The following SPATA1 variants were observed in gnomAD, a reference collection of about 807,000 sequenced individuals.
The protein encoded by SPATA1 is spermatogenesis associated 1.
A neutral mutation model predicts 59.6 loss-of-function variants in SPATA1; 57 were observed. That is an observed-to-expected ratio of 0.96 (90% CI 0.77 to 1.19). The LOEUF is 1.19. Ranked by LOEUF, SPATA1 falls within the 50% of genes most tolerant of loss-of-function variation. The pLI is 0.00. For missense variants in SPATA1, 448 were observed against 480.7 expected (o/e 0.93, Z 0.64); for synonymous variants, 147 against 163.9 (o/e 0.90, Z 0.79).
intron 9 of SPATA1, 88 bp downstream of exon 9, chr1:84,544,392 G>C: frequency 1.0e-6 from 1 of 1,003,144 alleles, no homozygotes; most frequent in South Asian, 1.5e-5. Context: ...TGGGTATAGA[G>C]TTTCAGTTTG....
At chr1:84,545,940 G>A (rs550340302) in intron 10 of SPATA1, among the ~76,000 whole-genome samples, 181 bp downstream of exon 10, 2 of 152,226 alleles carry the variant, frequency 1.3e-5, no homozygotes, top group South Asian at 4.1e-4. Flanking sequence ...CTACTTTATA[G>A]AATAAATGCT....
chr1:84,532,964 A>G, exon 7 of SPATA1: 1 of 1,550,604 alleles, frequency 6.4e-7, no homozygotes, highest in Non-Finnish European at 8.7e-7. Flanking sequence ...TTGCTTTGGC[A>G]CTAAAAAAAG....
At chr1:84,560,134 G>GA (rs1558625731) in intron 4 of SPATA1, among the ~76,000 whole-genome samples, 9 of 141,192 alleles carry the variant, frequency 6.4e-5, no homozygotes, top group African/African-American at 2.1e-4. Context: ...AGAAAGAAAG[G>GA]AAAGAAAGAA....
intron 8 of SPATA1, among the ~76,000 whole-genome samples, chr1:84,538,151 A>C (rs947747208): frequency 6.6e-6 from 1 of 152,222 alleles, no homozygotes; most frequent in African/African-American, 2.4e-5. Context: ...TCTGTGGAGA[A>C]GATTAATGGG....
intron 12 of SPATA1, 121 bp downstream of exon 12, chr1:84,550,651 T>C: frequency 3.1e-6 from 4 of 1,274,388 alleles, no homozygotes; most frequent in South Asian, 6.0e-5. Context: ...ATTAAAATTG[T>C]TACCTTAACA....
chr1:84,515,954 T>A (rs1339678016), intron 1 of SPATA1, among the ~76,000 whole-genome samples: 2 of 152,330 alleles, frequency 1.3e-5, no homozygotes, highest in Middle Eastern at 3.4e-3. Context: ...CTACTTCATG[T>A]AAAATGCTAT....
intron 8 of SPATA1, 72 bp downstream of exon 8, chr1:84,533,838 A>C (rs1046211495): frequency 3.3e-6 from 3 of 899,470 alleles, no homozygotes; most frequent in African/African-American, 3.4e-5. Flanking sequence ...TTAAACTGAA[A>C]CTGCAGATTA....
chr1:84,563,593 C>T, intron 4 of SPATA1: 1 of 646,016 alleles, frequency 1.5e-6, no homozygotes, highest in Non-Finnish European at 2.4e-6. Context: ...TAATCATAAG[C>T]TTTCATAGAA....
rs202099627 is a variant in SPATA1 at position 84,551,370 on chromosome 1, AAAAT to A, written c.1224+848_1224+851del. ...CTGTCCTCGGTTTCAGATAAAAATAAAAATAAATAAAATTTAAAAATAAAAAAAT... is the reference window on the plus strand; with the variant it reads ...CTGTCCTCGGTTTCAGATAAAAATAAAAATAAAATTTAAAAATAAAAAAAT... On this transcript the variant is annotated intron_variant, in intron 12 of 12. Transcript: ENST00000490879. 3,030 of 755,218 alleles carry A rather than the reference AAAAT, an allele frequency of 4.0e-3. 99 individuals carry two copies. The African/African-American group carries it at 0.054, about 13-fold the overall frequency. The allele number at this position is 755,218 out of a possible 1,614,324, so 46.8% of individuals were successfully genotyped here.
intron 8 of SPATA1, among the ~76,000 whole-genome samples, chr1:84,536,537 G>C (rs1475295168): frequency 4.6e-5 from 7 of 152,136 alleles, no homozygotes; most frequent in African/African-American, 1.7e-4. Context: ...TCCGCCCCCC[G>C]GGTGCATGCC....
chr1:84,551,767 A>G (rs1014902146), intron 12 of SPATA1: 1 of 152,160 alleles, frequency 6.6e-6, no homozygotes, highest in African/African-American at 2.4e-5. Context: ...AATTTGTTCA[A>G]TGAAGGAAAA....
At chr1:84,566,000 C>T in exon 5 of SPATA1, 1 of 1,542,532 alleles carries the variant, frequency 6.5e-7, no homozygotes, top group Non-Finnish European at 8.7e-7. Context: ...GACCAAGCTA[C>T]ATCAAAGGTT....
intron 8 of SPATA1, among the ~76,000 whole-genome samples, chr1:84,537,737 T>C (rs879498993): frequency 2.0e-5 from 3 of 152,200 alleles, no homozygotes; most frequent in Non-Finnish European, 4.4e-5. Context: ...ATTCTGATCG[T>C]TGGGGACCTG....
chr1:84,562,763 C>T (rs1318702234), intron 4 of SPATA1, among the ~76,000 whole-genome samples: 1 of 152,080 alleles, frequency 6.6e-6, no homozygotes, highest in African/African-American at 2.4e-5. Flanking sequence ...TTTGACATTG[C>T]TTTATAATTT....
At chr1:84,532,349 C>T (rs1683506231) in intron 6 of SPATA1, among the ~76,000 whole-genome samples, 1 of 152,006 alleles carries the variant, frequency 6.6e-6, no homozygotes, top group African/African-American at 2.4e-5. Flanking sequence ...TACAAAAATT[C>T]GCTGGGCGTG....
rs374632148 is a variant in SPATA1, at chr1:84,551,833, T to C, written c.1225-1202T>C. 4 of 152,254 alleles carry C rather than the reference T, an allele frequency of 2.6e-5. No homozygotes were observed. In the South Asian group the frequency reaches 8.3e-4, roughly 32 times the overall value. 9.4% of individuals were successfully genotyped at this position (152,254 alleles called of 1,614,324 possible). On this transcript the variant is annotated intron_variant, in intron 12 of 12. Coordinates refer to ENST00000490879, the Ensembl canonical transcript of SPATA1. ...ATATGTAAACTTGTACACTTAATAA[T>C]TGGGTAGGTAGGAAGGAGTAATAAA...
downstream of SPATA1, among the ~76,000 whole-genome samples, chr1:84,566,760 A>G (rs908875793): frequency 6.6e-6 from 1 of 152,070 alleles, no homozygotes; most frequent in Non-Finnish European, 1.5e-5. Context: ...AGCCTCCCAC[A>G]TAGCTGGGAT....
At chr1:84,557,533 C>CAAAAAAAAAAAA (rs56101174), downstream of SPATA1, among the ~76,000 whole-genome samples, 1 of 55,440 alleles carries the variant, frequency 1.8e-5, no homozygotes, top group African/African-American at 5.9e-5. Flanking sequence ...AACTCCATCT[C>CAAAAAAAAAAAA]AAAAAAAAAA....
chr1:84,562,783 A>T (rs548119027), intron 4 of SPATA1, among the ~76,000 whole-genome samples: 113 of 152,214 alleles, frequency 7.4e-4, no homozygotes, highest in Admixed American at 2.5e-3. Context: ...TAATTATAAA[A>T]TAAATTGAAA....
Sources: allele counts gnomAD v4.1 joint callset (sites outside exome capture counted in the v4.1 genomes callset), GRCh38; gene constraint gnomAD v4.1.1; transcripts MANE v1.5; gene names NCBI Gene and HGNC (gene_info 2026-07-23, HGNC 2026-07-21).